The following EFEMP1 variants were observed in gnomAD, a reference collection of about 807,000 sequenced individuals.
EFEMP1 encodes EGF-containing fibulin-like extracellular matrix protein 1.
Under a neutral mutation model 65.7 loss-of-function variants are expected in EFEMP1, and 18 were observed. The observed-to-expected ratio is 0.27, with a 90% confidence interval of 0.19 to 0.41. EFEMP1 has a LOEUF of 0.41. Ranked by LOEUF, EFEMP1 falls within the 10% of genes least tolerant of loss-of-function variation. EFEMP1 has a pLI of 1.00. For synonymous variants in EFEMP1, 237 were observed against 219.7 expected (o/e 1.08, Z -0.70); for missense variants, 469 against 624.8 (o/e 0.75, Z 2.66).
In EFEMP1 at chr2:55,919,014, G is replaced by C. The variant is rs947537007; in HGVS notation, c.82-747C>G. On this transcript the variant is annotated intron_variant, in intron 3 of 11. Coordinates refer to ENST00000355426, the MANE Select transcript of EFEMP1 (RefSeq NM_001039348.3). This position sits in a 1 kb window ranked among gnomAD's most constrained non-coding sequence, Gnocchi z 4.5. Reference sequence around the variant, plus strand: ...CAAGTGTATGCAGGAAGGAGTAATGGACTCTGCCCGGGGGCATGGGTGAGC... The same window carrying C: ...CAAGTGTATGCAGGAAGGAGTAATGCACTCTGCCCGGGGGCATGGGTGAGC... 3.9e-5 allele frequency among the ~76,000 whole-genome samples: 6 copies of C among 152,170 alleles called. No individual in the cohort carries two copies. Among genetic ancestry groups the C allele is most frequent in the Non-Finnish European group, 4.4e-5 (3 of 68,036 alleles).
At chr2:55,920,927 G>T (rs1296278971) in intron 3 of EFEMP1, among the ~76,000 whole-genome samples, 2 of 152,162 alleles carry the variant, frequency 1.3e-5, no homozygotes, top group East Asian at 1.9e-4. Flanking sequence ...AGCACAAAAG[G>T]GTAACATATC....
rs905215702 is a variant in EFEMP1 at position 55,866,490 on chromosome 2, T to C, written c.*583A>G. 6.6e-6 allele frequency: 1 copy of C among 152,434 alleles called. No homozygotes were observed. The highest frequency in any genetic ancestry group is 2.4e-5 in the African/African-American group (1 of 41,426). 9.4% of individuals were successfully genotyped at this position (152,434 alleles called of 1,614,324 possible). On this transcript the variant is annotated 3_prime_UTR_variant, in exon 12 of 12. Coordinates refer to ENST00000355426, the MANE Select transcript of EFEMP1 (RefSeq NM_001039348.3). ...CACAATCTAAAATTTCTGACAAAATTAAAAATACCCTACAGAAACCAGCAT... is the reference window on the plus strand; with the variant it reads ...CACAATCTAAAATTTCTGACAAAATCAAAAATACCCTACAGAAACCAGCAT...
intron 5 of EFEMP1, among the ~76,000 whole-genome samples, chr2:55,892,190 A>C (rs547728826): frequency 3.7e-4 from 56 of 152,258 alleles, no homozygotes; most frequent in African/African-American, 1.3e-3. Context: ...CTTTAAAATG[A>C]GTCTGGGGCA....
chr2:55,920,235 A>C (rs1336489777), intron 3 of EFEMP1, among the ~76,000 whole-genome samples: 18 of 152,232 alleles, frequency 1.2e-4, no homozygotes, highest in South Asian at 2.1e-4. Context: ...AAGAACCAGC[A>C]CAGAGTTCTG....
chr2:55,904,960 T>C (rs1313894013), intron 5 of EFEMP1, among the ~76,000 whole-genome samples: 1 of 149,650 alleles, frequency 6.7e-6, no homozygotes, highest in Non-Finnish European at 1.5e-5. Context: ...TTCTAAGGGA[T>C]AGTGGCTTTT....
Position 55,871,172 on chromosome 2 carries a change from A to G in EFEMP1, c.1001-49T>C. 1 of 1,610,630 alleles carries G rather than the reference A, an allele frequency of 6.2e-7. No homozygotes were observed. The highest frequency in any genetic ancestry group is 8.5e-7 in the Non-Finnish European group (1 of 1,178,624). On this transcript the variant is annotated intron_variant, in intron 9 of 11. Transcript: ENST00000355426. This position sits in a 1 kb window ranked among gnomAD's most constrained non-coding sequence, Gnocchi z 4.2. ...GTTTACTAACTAAACTAATGAACTGATCTAATTAAATCATATAACTGGCAG... is the reference window on the plus strand; with the variant it reads ...GTTTACTAACTAAACTAATGAACTGGTCTAATTAAATCATATAACTGGCAG...
rs570042898 is a variant in EFEMP1, at chr2:55,871,630, T to C, written c.1001-507A>G. Among the ~76,000 whole-genome samples, 9 of 152,036 alleles carry C rather than the reference T, an allele frequency of 5.9e-5. No individual in the cohort carries two copies. The highest frequency in any genetic ancestry group is 7.4e-5 in the Non-Finnish European group (5 of 67,972). ...GAAGGGTGGTGGTTAGATGGAGTTT[T>C]CATGGCTGGGGCAGGGAAGGCTTTC... On this transcript the variant is annotated intron_variant, in intron 9 of 11. Transcript: ENST00000355426. The surrounding 1 kb of genome is among the most constrained non-coding windows in gnomAD (Gnocchi z 4.2).
intron 5 of EFEMP1, among the ~76,000 whole-genome samples, chr2:55,915,978 G>C (rs888221343): frequency 6.6e-6 from 1 of 152,092 alleles, no homozygotes; most frequent in Non-Finnish European, 1.5e-5. Flanking sequence ...ACACGAAACA[G>C]ATGCTAATAC....
intron 6 of EFEMP1, among the ~76,000 whole-genome samples, chr2:55,880,120 G>A (rs1239475621): frequency 6.6e-6 from 1 of 152,164 alleles, no homozygotes; most frequent in African/African-American, 2.4e-5. Context: ...TAAAGCTGGG[G>A]TGTAATATTT....
At chr2:55,899,523 T>TG (rs1669954547) in intron 5 of EFEMP1, among the ~76,000 whole-genome samples, 1 of 152,182 alleles carries the variant, frequency 6.6e-6, no homozygotes, top group Non-Finnish European at 1.5e-5. Context: ...AAAGGAAAGA[T>TG]GGAGTTCTAA....
At chr2:55,902,693 T>C (rs146983694) in intron 5 of EFEMP1, among the ~76,000 whole-genome samples, 89 of 152,328 alleles carry the variant, frequency 5.8e-4, no homozygotes, top group African/African-American at 2.0e-3. Context: ...GTTTTGTCAA[T>C]AAAGATTCAG....
At chr2:55,894,039 C>T (rs1273673748) in intron 5 of EFEMP1, among the ~76,000 whole-genome samples, 2 of 152,136 alleles carry the variant, frequency 1.3e-5, no homozygotes, top group Non-Finnish European at 2.9e-5. Context: ...CTAGTATCTT[C>T]TGCATTTCAT....
intron 5 of EFEMP1, among the ~76,000 whole-genome samples, chr2:55,905,868 C>T (rs1298233126): frequency 6.6e-6 from 1 of 152,082 alleles, no homozygotes; most frequent in Non-Finnish European, 1.5e-5. Context: ...TCTAATAGTC[C>T]ATTTGGTGTA....
In EFEMP1 at chr2:55,922,778, C is replaced by A. The variant is rs528463205; in HGVS notation, c.-8+121G>T. On this transcript the variant is annotated intron_variant, in intron 2 of 11. Coordinates refer to ENST00000355426, the MANE Select transcript of EFEMP1 (RefSeq NM_001039348.3). This position sits in a 1 kb window ranked among gnomAD's most constrained non-coding sequence, Gnocchi z 5.5. Reference sequence around the variant, plus strand: ...GAAAGAGGGGGTCGAAAGGAAAAAACAGTAATCCATTTCAAAGGGGACGGT... The same window carrying A: ...GAAAGAGGGGGTCGAAAGGAAAAAAAAGTAATCCATTTCAAAGGGGACGGT... 2.6e-6 allele frequency: 2 copies of A among 768,500 alleles called. No individual in the cohort carries two copies. The highest frequency in any genetic ancestry group is 1.3e-4 in the East Asian group (2 of 15,584). The allele number at this position is 768,500 out of a possible 1,614,324, so 47.6% of individuals were successfully genotyped here.
chr2:55,919,826 C>T lies in EFEMP1; in HGVS notation c.82-1559G>A, dbSNP rs1386915015. ...AGGTACCACTACCTTTTTCGAAACC[C>T]AGGATTCCAACTTTAACATCAGTGC... On this transcript the variant is annotated intron_variant, in intron 3 of 11. Transcript: ENST00000355426. This position sits in a 1 kb window ranked among gnomAD's most constrained non-coding sequence, Gnocchi z 4.5. 1.3e-5 allele frequency among the ~76,000 whole-genome samples: 2 copies of T among 152,084 alleles called. No individual in the cohort carries two copies. Among genetic ancestry groups the T allele is most frequent in the African/African-American group, 4.8e-5 (2 of 41,442 alleles).
At chr2:55,889,288 C>G (rs114866397) in intron 5 of EFEMP1, among the ~76,000 whole-genome samples, 3,947 of 152,260 alleles carry the variant, frequency 0.026, 69 homozygotes, top group Middle Eastern at 0.065. Context: ...AGCTTTTGTG[C>G]CCACTAAATT....
At chr2:55,887,560 C>G (rs889116291) in intron 5 of EFEMP1, among the ~76,000 whole-genome samples, 7 of 152,170 alleles carry the variant, frequency 4.6e-5, no homozygotes, top group Non-Finnish European at 1.0e-4. Context: ...TAGCTTTTCA[C>G]CCTTCTGAAA....
intron 5 of EFEMP1, among the ~76,000 whole-genome samples, chr2:55,916,603 T>G (rs902979531): frequency 6.6e-6 from 1 of 152,156 alleles, no homozygotes; most frequent in African/African-American, 2.4e-5. Context: ...ACATGACCAG[T>G]TAGAAAGTAA....
Position 55,899,243 on chromosome 2 carries a change from CT to C in EFEMP1, c.518-17510del, listed in dbSNP as rs566802679. Among the ~76,000 whole-genome samples the C allele has an allele frequency of 4.6e-5, 7 of 152,302 alleles. No individual in the cohort carries two copies. In the East Asian group the frequency reaches 1.2e-3, roughly 25 times the overall value. ...GAGGCTCTCAACTAGGGTCTGTTGACTTGAATTATTGAGCTGAATTATTTGT... is the reference window on the plus strand; with the variant it reads ...GAGGCTCTCAACTAGGGTCTGTTGACTGAATTATTGAGCTGAATTATTTGT... On this transcript the variant is annotated intron_variant, in intron 5 of 11. Coordinates refer to ENST00000355426, the MANE Select transcript of EFEMP1 (RefSeq NM_001039348.3).
Sources: gnomAD v4.1 joint callset for allele counts (sites outside exome capture counted in the v4.1 genomes callset) on GRCh38, gnomAD v4.1.1 for gene constraint, Gnocchi (gnomAD v3.1) non-coding constraint, MANE v1.5 for transcripts, NCBI Gene and HGNC (gene_info 2026-07-23, HGNC 2026-07-21) for gene names.